The following ZNF609 variants were observed in gnomAD, a reference collection of about 807,000 sequenced individuals.
The protein encoded by ZNF609 is zinc finger protein 609.
A neutral mutation model predicts 109.5 loss-of-function variants in ZNF609; 11 were observed. The observed-to-expected ratio is 0.10, with a 90% CI of 0.06 to 0.17. The LOEUF (loss-of-function observed/expected upper bound fraction) is 0.17. Ranked by LOEUF, ZNF609 falls within the 10% of genes least tolerant of loss-of-function variation. The pLI is 1.00. For missense variants in ZNF609, 1,559 were observed against 1,772.4 expected (o/e 0.88, Z 2.16); for synonymous variants, 646 against 662.0 (o/e 0.98, Z 0.37).
chr15:64,536,534 T>A (rs1297290384), intron 2 of ZNF609, among the ~76,000 whole-genome samples: 1 of 151,976 alleles, frequency 6.6e-6, no homozygotes, highest in Non-Finnish European at 1.5e-5. Context: ...AAAACCACAA[T>A]ACATATTAAA....
chr15:64,585,551 AT>A, intron 2 of ZNF609, among the ~76,000 whole-genome samples: 1 of 152,276 alleles, frequency 6.6e-6, no homozygotes, highest in Admixed American at 6.5e-5. Context: ...TAAGATATCC[AT>A]TTTTTGGAAA....
At chr15:64,650,202 G>A (rs867859886) in intron 3 of ZNF609, among the ~76,000 whole-genome samples, 11 of 151,294 alleles carry the variant, frequency 7.3e-5, no homozygotes, top group South Asian at 2.1e-4. Flanking sequence ...TCAGTAGTTC[G>A]GGACCAGCCT....
intron 2 of ZNF609, among the ~76,000 whole-genome samples, chr15:64,611,705 T>C (rs1895717996): frequency 6.6e-6 from 1 of 152,014 alleles, no homozygotes; most frequent in Admixed American, 6.6e-5. Context: ...AGAAACAAAA[T>C]TTAATGTTCA....
intron 1 of ZNF609, among the ~76,000 whole-genome samples, chr15:64,491,703 C>A (rs557567576): frequency 6.6e-6 from 1 of 151,884 alleles, no homozygotes; most frequent in Non-Finnish European, 1.5e-5. Context: ...AAAAATTAGC[C>A]GAGTATGGTG....
intron 1 of ZNF609, among the ~76,000 whole-genome samples, chr15:64,462,570 AC>A (rs1892959445): frequency 6.6e-6 from 1 of 152,250 alleles, no homozygotes; most frequent in African/African-American, 2.4e-5. Flanking sequence ...GGAGTTTAAG[AC>A]CAGCCTGGGC....
chr15:64,496,221 CAGTG>C (rs1170730734), intron 1 of ZNF609, among the ~76,000 whole-genome samples: 2 of 152,220 alleles, frequency 1.3e-5, no homozygotes, highest in South Asian at 2.1e-4. Flanking sequence ...CAGAAGCTCT[CAGTG>C]AGCACTAACA....
intron 2 of ZNF609, among the ~76,000 whole-genome samples, chr15:64,517,569 A>G (rs1893831422): frequency 6.6e-6 from 1 of 152,074 alleles, no homozygotes; most frequent in Non-Finnish European, 1.5e-5. Flanking sequence ...GTGTGCTGGC[A>G]CTTAGGATAA....
At chr15:64,614,086 T>A (rs1595739518) in intron 2 of ZNF609, among the ~76,000 whole-genome samples, 1 of 149,494 alleles carries the variant, frequency 6.7e-6, no homozygotes, top group Non-Finnish European at 1.5e-5. Context: ...CCTGACTAAT[T>A]TTTTTTGTAT....
chr15:64,504,448 T>C (rs954382694), intron 2 of ZNF609, among the ~76,000 whole-genome samples: 5 of 152,132 alleles, frequency 3.3e-5, no homozygotes, highest in Admixed American at 6.6e-5. Context: ...GGATTCTCAA[T>C]TTTCCCACTT....
At chr15:64,572,768 C>T (rs1894877676) in intron 2 of ZNF609, among the ~76,000 whole-genome samples, 1 of 152,098 alleles carries the variant, frequency 6.6e-6, no homozygotes, top group African/African-American at 2.4e-5. Context: ...TGGCACATGC[C>T]TGCATACCTG....
intron 2 of ZNF609, among the ~76,000 whole-genome samples, chr15:64,598,447 G>A (rs1895434756): frequency 6.6e-6 from 1 of 151,890 alleles, no homozygotes; most frequent in African/African-American, 2.4e-5. Flanking sequence ...TTTATGAGTT[G>A]TATATACTTA....
chr15:64,498,467 T>C (rs1043312333), intron 1 of ZNF609, among the ~76,000 whole-genome samples: 5 of 152,198 alleles, frequency 3.3e-5, no homozygotes, highest in Non-Finnish European at 5.9e-5. Flanking sequence ...CATGAGAAAG[T>C]GAAGAGTTAT....
At chr15:64,671,236 A>T (rs1190919710) in intron 4 of ZNF609, 1 of 150,928 alleles carries the variant, frequency 6.6e-6, no homozygotes, top group South Asian at 2.1e-4. Flanking sequence ...AAAAAAATTA[A>T]TTAAAAAAAA....
intron 3 of ZNF609, among the ~76,000 whole-genome samples, chr15:64,647,954 G>C (rs556924589): frequency 6.6e-6 from 1 of 152,094 alleles, no homozygotes; most frequent in East Asian, 1.9e-4. Context: ...CTTTCACTTT[G>C]CCACCAGTAT....
chr15:64,541,346 G>C (rs1312245556), intron 2 of ZNF609, among the ~76,000 whole-genome samples: 1 of 147,534 alleles, frequency 6.8e-6, no homozygotes, highest in Non-Finnish European at 1.5e-5. Context: ...AGAATGGCGT[G>C]AACCCGGGAG....
intron 3 of ZNF609, among the ~76,000 whole-genome samples, chr15:64,661,158 C>A (rs1896569652): frequency 6.6e-6 from 1 of 152,090 alleles, no homozygotes; most frequent in Non-Finnish European, 1.5e-5. Context: ...GACAGGGTTT[C>A]ACCATGTTGG....
intron 2 of ZNF609, among the ~76,000 whole-genome samples, chr15:64,565,232 G>GTATTATTATTATTATTAT (rs60734525): frequency 0.18 from 24,377 of 138,436 alleles, 2,542 homozygotes; most frequent in Non-Finnish European, 0.22. Context: ...GCTAATTTTT[G>GTATTATTATTATTATTAT]TATTATTATT....
chr15:64,625,930 T>TAG (rs1404953767), intron 3 of ZNF609, among the ~76,000 whole-genome samples: 21 of 72,790 alleles, frequency 2.9e-4, no homozygotes, highest in East Asian at 4.9e-4. Flanking sequence ...TATATATATA[T>TAG]ATATATAGAG....
chr15:64,665,239 A>G (rs916872580), intron 3 of ZNF609, among the ~76,000 whole-genome samples: 3 of 152,196 alleles, frequency 2.0e-5, no homozygotes, highest in Non-Finnish European at 2.9e-5. Flanking sequence ...TCTAAGGTGA[A>G]GGTAACAGGA....
Sources: allele counts gnomAD v4.1 joint callset (sites outside exome capture counted in the v4.1 genomes callset), GRCh38; gene constraint gnomAD v4.1.1; transcripts MANE v1.5; gene names NCBI Gene and HGNC (gene_info 2026-07-23, HGNC 2026-07-21).